OSBPL8: variants seen among roughly 807,000 people sequenced by gnomAD.
The protein encoded by OSBPL8 is oxysterol-binding protein-related protein 8.
In OSBPL8, 59 loss-of-function variants were observed where a neutral mutation model predicts 125.5. The observed-to-expected ratio is 0.47, with a 90% CI of 0.38 to 0.58. The LOEUF is 0.58. Among genes scored for constraint, OSBPL8 ranks in the 20% least tolerant of loss-of-function variants. OSBPL8 has a pLI of 0.00. For missense variants in OSBPL8, 758 were observed against 1,047.8 expected (o/e 0.72, Z 3.82); for synonymous variants, 330 against 338.9 (o/e 0.97, Z 0.29).
intron 4 of OSBPL8, among the ~76,000 whole-genome samples, chr12:76,446,571 A>G (rs1462338229): frequency 6.6e-6 from 1 of 152,190 alleles, no homozygotes; most frequent in East Asian, 1.9e-4. Flanking sequence ...GGCCATCCAT[A>G]CTAAAAGAAG....
chr12:76,401,356 T>C (rs950878472), intron 6 of OSBPL8, among the ~76,000 whole-genome samples: 1 of 152,210 alleles, frequency 6.6e-6, no homozygotes, highest in Non-Finnish European at 1.5e-5. Context: ...TTATTTTAAA[T>C]GTTACATAGG....
At position 76,373,401 on chromosome 12, in the gene OSBPL8, T is replaced by C. The variant is rs776024325; in HGVS notation, c.1860A>G (p.Gln620=). 11 of 1,610,104 alleles carry C rather than the reference T, an allele frequency of 6.8e-6. No individual in the cohort carries two copies. The East Asian group carries it at 8.9e-5, about 13-fold the overall frequency. The change falls in exon 18 of 24, where the codon CAA becomes CAG. Residue 620 remains glutamine, a synonymous_variant. Coordinates refer to ENST00000261183, the MANE Select transcript of OSBPL8 (RefSeq NM_020841.5). ...PFLGSSDCVN[Q]ISGKLKLGKE... The stretch of plus-strand genomic sequence containing the variant: ...TTCCCAGTTTAAGTTTCCCTGATAT[T>C]TGATTAACACAGTCACTACTCCCTA...
At chr12:76,421,798 C>G (rs989380446) in intron 4 of OSBPL8, among the ~76,000 whole-genome samples, 1 of 151,868 alleles carries the variant, frequency 6.6e-6, no homozygotes, top group Non-Finnish European at 1.5e-5. Context: ...ATATTTGCTA[C>G]AATTTCAAAC....
chr12:76,459,001 A>C (rs572602184), intron 3 of OSBPL8, among the ~76,000 whole-genome samples: 151 of 152,334 alleles, frequency 9.9e-4, no homozygotes, highest in African/African-American at 3.5e-3. Flanking sequence ...TTCATCTATG[A>C]TGCAGTAAAA....
intron 1 of OSBPL8, among the ~76,000 whole-genome samples, chr12:76,492,927 TATATAGATA>T: frequency 6.6e-6 from 1 of 150,696 alleles, no homozygotes; most frequent in African/African-American, 2.5e-5. Flanking sequence ...TATATAGATA[TATATAGATA>T]TTTTTTTTTT....
intron 1 of OSBPL8, among the ~76,000 whole-genome samples, chr12:76,520,136 T>C (rs895387569): frequency 4.6e-5 from 7 of 152,246 alleles, no homozygotes. Flanking sequence ...TTAATTGTTT[T>C]GAAAAGCTTT....
At chr12:76,360,670 G>GAAA (rs1952168330) in intron 21 of OSBPL8, among the ~76,000 whole-genome samples, 1 of 152,232 alleles carries the variant, frequency 6.6e-6, no homozygotes, top group South Asian at 2.1e-4. Context: ...GTATCCAGGC[G>GAAA]TTTCCATACA....
In OSBPL8 at chr12:76,545,292, T is replaced by C. The variant is rs926153473; in HGVS notation, c.-68+14105A>G. On this transcript the variant is annotated intron_variant, in intron 1 of 23. Transcript: ENST00000261183. ...TACAGCTAAAACTACCCTGATTCTA[T>C]GTAAATTTTGACCATTTTCTTGAAA... Among the ~76,000 whole-genome samples the C allele has an allele frequency of 5.9e-5, 9 of 152,214 alleles. No homozygotes were observed. The East Asian group carries it at 1.5e-3, about 26-fold the overall frequency.
intron 15 of OSBPL8, among the ~76,000 whole-genome samples, chr12:76,379,396 T>C (rs1952948666): frequency 6.6e-6 from 1 of 152,216 alleles, no homozygotes; most frequent in South Asian, 2.1e-4. Flanking sequence ...AGTATAAATT[T>C]ACATACAGTA....
intron 2 of OSBPL8, chr12:76,486,197 G>A: frequency 3.4e-6 from 1 of 294,130 alleles, no homozygotes; most frequent in South Asian, 3.2e-5. Flanking sequence ...GAAAGGCTGG[G>A]ACCAAGTTAA....
At chr12:76,377,862 A>G (rs1952888739) in intron 16 of OSBPL8, among the ~76,000 whole-genome samples, 3 of 152,154 alleles carry the variant, frequency 2.0e-5, no homozygotes, top group Admixed American at 2.0e-4. Flanking sequence ...CTCTTCTAAA[A>G]AAGGGAATAA....
chr12:76,558,590 C>T (rs533692418), intron 1 of OSBPL8, among the ~76,000 whole-genome samples: 1 of 152,280 alleles, frequency 6.6e-6, no homozygotes, highest in African/African-American at 2.4e-5. Context: ...AAAGTTTACC[C>T]ATCTGTTTAC....
chr12:76,458,562 A>G (rs935801655), intron 3 of OSBPL8, among the ~76,000 whole-genome samples: 1 of 151,908 alleles, frequency 6.6e-6, no homozygotes, highest in African/African-American at 2.4e-5. Flanking sequence ...GTGGTGGCAC[A>G]AGCCTGGAGT....
intron 1 of OSBPL8, among the ~76,000 whole-genome samples, chr12:76,495,391 A>T (rs1474934179): frequency 6.6e-6 from 1 of 152,204 alleles, no homozygotes; most frequent in Admixed American, 6.5e-5. Context: ...CAGTCCAATA[A>T]AAGAGGTCTA....
intron 2 of OSBPL8, among the ~76,000 whole-genome samples, chr12:76,465,444 T>C (rs1875294911): frequency 6.6e-6 from 1 of 151,748 alleles, no homozygotes; most frequent in Admixed American, 6.6e-5. Flanking sequence ...CCTATAGTCC[T>C]AGCTACTCAG....
intron 1 of OSBPL8, among the ~76,000 whole-genome samples, chr12:76,521,377 C>T (rs1264458369): frequency 2.0e-5 from 3 of 152,190 alleles, no homozygotes; most frequent in East Asian, 1.9e-4. Context: ...ACAGCCACTG[C>T]GGAAAACAGT....
chr12:76,542,156 A>G (rs1950663143), intron 1 of OSBPL8, among the ~76,000 whole-genome samples: 1 of 152,200 alleles, frequency 6.6e-6, no homozygotes, highest in African/African-American at 2.4e-5. Flanking sequence ...GGGAAACAAG[A>G]GCGAAACTCC....
At chr12:76,430,223 C>T (rs1268120434) in intron 4 of OSBPL8, among the ~76,000 whole-genome samples, 1 of 152,104 alleles carries the variant, frequency 6.6e-6, no homozygotes, top group Non-Finnish European at 1.5e-5. Flanking sequence ...CATGATTTCA[C>T]CCCTGCTGAA....
intron 4 of OSBPL8, among the ~76,000 whole-genome samples, chr12:76,447,828 T>C (rs1872897183): frequency 6.6e-6 from 1 of 152,182 alleles, no homozygotes; most frequent in African/African-American, 2.4e-5. Flanking sequence ...ATTACAGGCA[T>C]GAGCCACTGC....
Sources: gnomAD v4.1 joint callset for allele counts (sites outside exome capture counted in the v4.1 genomes callset) on GRCh38, gnomAD v4.1.1 for gene constraint, MANE v1.5 for transcripts, NCBI Gene and HGNC (gene_info 2026-07-23, HGNC 2026-07-21) for gene names.